Variants in BMPR1B observed in about 807,000 individuals in gnomAD.
BMPR1B encodes bone morphogenetic protein receptor type 1B.
A neutral mutation model predicts 59.1 loss-of-function variants in BMPR1B; 12 were observed. The ratio of observed to expected loss-of-function variants is 0.20; its 90% confidence interval spans 0.13 to 0.33. The LOEUF (loss-of-function observed/expected upper bound fraction) is 0.33. Ranked by LOEUF, BMPR1B falls within the 10% of genes least tolerant of loss-of-function variation. The pLI is 1.00. For missense variants in BMPR1B, 550 were observed against 610.9 expected (o/e 0.90, Z 1.05); for synonymous variants, 237 against 207.3 (o/e 1.14, Z -1.23).
intron 3 of BMPR1B, among the ~76,000 whole-genome samples, chr4:95,096,266 G>C (rs1730368113): frequency 6.6e-6 from 1 of 151,534 alleles, no homozygotes; most frequent in Non-Finnish European, 1.5e-5. Flanking sequence ...AGATTCCATA[G>C]AAAACATGTA....
intron 3 of BMPR1B, among the ~76,000 whole-genome samples, chr4:95,041,830 C>A (rs549200633): frequency 6.6e-6 from 1 of 152,168 alleles, no homozygotes; most frequent in Admixed American, 6.5e-5. Flanking sequence ...CATCCCTAAT[C>A]CAAAATCTGA....
chr4:94,804,039 C>T (rs574006787), intron 1 of BMPR1B, among the ~76,000 whole-genome samples: 57 of 151,996 alleles, frequency 3.8e-4, no homozygotes, highest in African/African-American at 9.6e-4. Context: ...CCACCACGCC[C>T]GGCTAATTTT....
At chr4:95,112,449 G>A (rs1284065186) in intron 4 of BMPR1B, among the ~76,000 whole-genome samples, 1 of 152,080 alleles carries the variant, frequency 6.6e-6, no homozygotes, top group Non-Finnish European at 1.5e-5. Flanking sequence ...ACTTGCTTTA[G>A]GGTTGCAAGT....
intron 1 of BMPR1B, among the ~76,000 whole-genome samples, chr4:94,792,095 GA>G (rs1723005638): frequency 1.3e-5 from 2 of 152,006 alleles, no homozygotes; most frequent in Non-Finnish European, 1.5e-5. Flanking sequence ...CAAATTAAGA[GA>G]AATTTTTCAG....
At chr4:94,903,646 C>T (rs190702549) in intron 2 of BMPR1B, among the ~76,000 whole-genome samples, 30 of 151,628 alleles carry the variant, frequency 2.0e-4, no homozygotes, top group South Asian at 4.2e-4. Context: ...ATAATTTATA[C>T]GTTGAAATTA....
At chr4:95,003,439 A>T (rs1722593747) in intron 3 of BMPR1B, among the ~76,000 whole-genome samples, 1 of 152,112 alleles carries the variant, frequency 6.6e-6, no homozygotes, top group South Asian at 2.1e-4. Flanking sequence ...GTTTAATGAG[A>T]TTTAAGCATT....
chr4:94,979,680 C>A (rs1330209714), intron 2 of BMPR1B, among the ~76,000 whole-genome samples: 2 of 152,176 alleles, frequency 1.3e-5, no homozygotes, highest in African/African-American at 4.8e-5. Flanking sequence ...CAAAATTCAT[C>A]TTTTCAAATA....
chr4:95,113,482 A>C (rs1360282261), intron 4 of BMPR1B, among the ~76,000 whole-genome samples: 1 of 152,168 alleles, frequency 6.6e-6, no homozygotes, highest in African/African-American at 2.4e-5. Context: ...AAACCCACAA[A>C]TCATGGCTAG....
At chr4:94,770,186 G>GTTTTTTTTTTTTTTTTTTTTTT (rs56902521) in intron 1 of BMPR1B, among the ~76,000 whole-genome samples, 2 of 54,138 alleles carry the variant, frequency 3.7e-5, no homozygotes, top group African/African-American at 6.3e-5. Flanking sequence ...TTCTGTGTTT[G>GTTTTTTTTTTTTTTTTTTTTTT]TTTTTTTTTT....
intron 3 of BMPR1B, among the ~76,000 whole-genome samples, chr4:95,056,919 C>T (rs1252211711): frequency 6.6e-6 from 1 of 152,206 alleles, no homozygotes; most frequent in Non-Finnish European, 1.5e-5. Context: ...TGCATAAGTG[C>T]CATTTAGTTA....
At chr4:94,846,172 A>T (rs1340130902) in intron 1 of BMPR1B, among the ~76,000 whole-genome samples, 1 of 152,210 alleles carries the variant, frequency 6.6e-6, no homozygotes, top group Admixed American at 6.5e-5. Flanking sequence ...ATCTACAGTG[A>T]ACTCGTTTTT....
intron 3 of BMPR1B, among the ~76,000 whole-genome samples, chr4:95,081,832 T>C (rs1026003573): frequency 6.6e-6 from 1 of 152,188 alleles, no homozygotes; most frequent in Non-Finnish European, 1.5e-5. Flanking sequence ...CACAACAACA[T>C]GCTATAACAG....
At position 94,934,471 on chromosome 4, in the gene BMPR1B, T is replaced by TTTTTTTC. The variant is rs1553919637; in HGVS notation, c.-113+58571_-113+58572insTTTTTTC. On this transcript the variant is annotated intron_variant, in intron 2 of 12. Transcript: ENST00000515059. ...AGCTATGGTTTTTTTTTTTTTTTTT[T>TTTTTTTC]CTCCTCCTTCATTCCTAATTTCTCT... 2.2e-3 allele frequency among the ~76,000 whole-genome samples: 329 copies of TTTTTTTC among 150,358 alleles called. 3 individuals carry two copies. Among genetic ancestry groups the TTTTTTTC allele is most frequent in the Non-Finnish European group, 4.0e-3 (269 of 67,586 alleles).
intron 11 of BMPR1B, 86 bp downstream of exon 11, chr4:95,149,009 T>TG (rs1194827514): frequency 6.6e-7 from 1 of 1,516,890 alleles, no homozygotes; most frequent in Non-Finnish European, 9.1e-7. Flanking sequence ...GTTATCATAC[T>TG]GTCTATAAGA....
At chr4:94,951,247 A>G (rs1193347921) in intron 2 of BMPR1B, among the ~76,000 whole-genome samples, 1 of 152,134 alleles carries the variant, frequency 6.6e-6, no homozygotes, top group Non-Finnish European at 1.5e-5. Flanking sequence ...CTCTCTTCCT[A>G]TTTGAATACC....
intron 1 of BMPR1B, among the ~76,000 whole-genome samples, chr4:94,769,349 G>A (rs193291033): frequency 3.8e-4 from 58 of 152,300 alleles, no homozygotes; most frequent in Admixed American, 1.2e-3. Context: ...GGTGGCTCAC[G>A]CCTGTAATCC....
chr4:94,967,441 TTCCTC>T (rs1413883847), intron 2 of BMPR1B, among the ~76,000 whole-genome samples: 1 of 151,968 alleles, frequency 6.6e-6, no homozygotes, highest in Admixed American at 6.6e-5. Flanking sequence ...AGATTTCCCT[TTCCTC>T]TCCTCTCCTC....
At chr4:94,827,541 A>T (rs1379565447) in intron 1 of BMPR1B, among the ~76,000 whole-genome samples, 2 of 152,196 alleles carry the variant, frequency 1.3e-5, no homozygotes, top group Non-Finnish European at 2.9e-5. Flanking sequence ...TAGGCATGTG[A>T]GCAGACAAAA....
At position 94,841,694 on chromosome 4, in the gene BMPR1B, T is replaced by G. The variant is rs1404893744; in HGVS notation, c.-182-34137T>G. On this transcript the variant is annotated intron_variant, in intron 1 of 12. Transcript: ENST00000515059. ...ATTGAGATGAACCCGGTACCTCAGATGGAAATGCAGAAATCACCCGTCTTC... is the reference window on the plus strand; with the variant it reads ...ATTGAGATGAACCCGGTACCTCAGAGGGAAATGCAGAAATCACCCGTCTTC... 2.0e-5 allele frequency among the ~76,000 whole-genome samples: 3 copies of G among 152,064 alleles called. No homozygotes were observed. In the East Asian group the frequency reaches 5.8e-4, roughly 29 times the overall value.
Sources: allele counts gnomAD v4.1 joint callset (sites outside exome capture counted in the v4.1 genomes callset), GRCh38; gene constraint gnomAD v4.1.1; transcripts MANE v1.5; gene names NCBI Gene and HGNC (gene_info 2026-07-23, HGNC 2026-07-21).